Variants in MAF observed in about 807,000 individuals in gnomAD.
MAF encodes MAF bZIP transcription factor.
A neutral mutation model predicts 22.0 loss-of-function variants in MAF; 10 were observed. That is an observed-to-expected ratio of 0.45 (90% confidence interval 0.28 to 0.77). The LOEUF (loss-of-function observed/expected upper bound fraction) is 0.77, where lower values mean the gene tolerates loss of function less well. MAF is among the 30% of genes least tolerant of loss of function. The pLI is 0.12. For missense variants in MAF, 544 were observed against 548.4 expected (o/e 0.99, Z 0.08); for synonymous variants, 337 against 255.8 (o/e 1.32, Z -3.03).
At chr16:79,416,244 G>A in the MAF span, among the ~76,000 whole-genome samples, 2 of 152,104 alleles carry the variant, frequency 1.3e-5, no homozygotes, top group African/African-American at 4.8e-5. Context: ...ATTCTGTTGT[G>A]GTCTGATGGA....
chr16:79,363,227 G>A, the MAF span, among the ~76,000 whole-genome samples: 1 of 152,166 alleles, frequency 6.6e-6, no homozygotes, highest in African/African-American at 2.4e-5. Flanking sequence ...CTGCTCTTAA[G>A]GATCGCTCAG....
the MAF span, among the ~76,000 whole-genome samples, chr16:79,541,834 T>C: frequency 6.6e-6 from 1 of 151,934 alleles, no homozygotes; most frequent in African/African-American, 2.4e-5. Flanking sequence ...TTTTGTATTT[T>C]TACTAGAGAC....
chr16:79,472,515 G>C, the MAF span, among the ~76,000 whole-genome samples: 1 of 152,060 alleles, frequency 6.6e-6, no homozygotes, highest in Non-Finnish European at 1.5e-5. Context: ...AAGAAGCCAG[G>C]TACAAAGAGC....
the MAF span, among the ~76,000 whole-genome samples, chr16:79,331,744 C>A: frequency 6.6e-6 from 1 of 152,112 alleles, no homozygotes; most frequent in East Asian, 1.9e-4. Context: ...CTTCCCTGGC[C>A]TCCTTTCTGC....
At chr16:79,271,394 C>T in the MAF span, among the ~76,000 whole-genome samples, 4 of 152,248 alleles carry the variant, frequency 2.6e-5, no homozygotes, top group Admixed American at 2.0e-4. Flanking sequence ...CAAATAAGGC[C>T]ATTTGGTGCA....
the MAF span, among the ~76,000 whole-genome samples, chr16:79,293,570 A>G: frequency 6.6e-6 from 1 of 152,206 alleles, no homozygotes; most frequent in East Asian, 1.9e-4. Context: ...CCCACATCAC[A>G]GAGCTAGGAA....
chr16:79,389,087 G>A, the MAF span, among the ~76,000 whole-genome samples: 1 of 152,174 alleles, frequency 6.6e-6, no homozygotes. Flanking sequence ...TTGTCTGGTT[G>A]TAGGGGGCTG....
chr16:79,275,101 A>T, the MAF span, among the ~76,000 whole-genome samples: 1 of 152,218 alleles, frequency 6.6e-6, no homozygotes, highest in Non-Finnish European at 1.5e-5. Context: ...CAGGCCTGTA[A>T]TCCCAGCACT....
At chr16:79,529,925 T>C in the MAF span, among the ~76,000 whole-genome samples, 13 of 151,012 alleles carry the variant, frequency 8.6e-5, no homozygotes, top group Non-Finnish European at 1.3e-4. Flanking sequence ...TACACTACTG[T>C]GCTCCAGCCT....
At chr16:79,577,973 G>T in the MAF span, among the ~76,000 whole-genome samples, 1 of 152,100 alleles carries the variant, frequency 6.6e-6, no homozygotes, top group Non-Finnish European at 1.5e-5. Context: ...CTTGACATTG[G>T]TTACATATGC....
chr16:79,597,645 C>G, intron 1 of MAF: 1 of 1,021,436 alleles, frequency 9.8e-7, no homozygotes, highest in Non-Finnish European at 1.2e-6. Flanking sequence ...GAAGAAGGCT[C>G]TACGGTTGCA....
chr16:79,330,883 G>C, the MAF span, among the ~76,000 whole-genome samples: 1 of 152,200 alleles, frequency 6.6e-6, no homozygotes, highest in East Asian at 1.9e-4. Context: ...AGGCCTGCCT[G>C]ACTCCAAAAT....
the MAF span, among the ~76,000 whole-genome samples, chr16:79,481,222 C>G: frequency 8.0e-6 from 1 of 124,314 alleles, no homozygotes; most frequent in African/African-American, 2.8e-5. Flanking sequence ...TCTTTGTTCT[C>G]TTTCCACAAC....
the MAF span, among the ~76,000 whole-genome samples, chr16:79,517,129 G>C: frequency 1.3e-5 from 2 of 151,956 alleles, 1 homozygote; most frequent in South Asian, 4.2e-4. Flanking sequence ...TTATCTTTTA[G>C]TTTATACTGT....
chr16:79,402,000 A>T, the MAF span, among the ~76,000 whole-genome samples: 1 of 152,296 alleles, frequency 6.6e-6, no homozygotes, highest in South Asian at 2.1e-4. Flanking sequence ...CTGAGGCCAA[A>T]GAGGTTAAAT....
chr16:79,314,444 G>A, the MAF span, among the ~76,000 whole-genome samples: 2,195 of 152,248 alleles, frequency 0.014, 42 homozygotes, highest in African/African-American at 0.05. Flanking sequence ...TGAGGCAGCT[G>A]GCCAGATGTC....
intron 1 of MAF, among the ~76,000 whole-genome samples, chr16:79,586,984 A>G (rs1912882950): frequency 6.6e-6 from 1 of 152,238 alleles, no homozygotes; most frequent in South Asian, 2.1e-4. Context: ...GGTGCGAACA[A>G]ATATGAGCTA....
chr16:79,260,340 T>TG, the MAF span, among the ~76,000 whole-genome samples: 1 of 152,084 alleles, frequency 6.6e-6, no homozygotes, highest in Non-Finnish European at 1.5e-5. Context: ...TTTGTAGAGA[T>TG]GGGGTCCCAC....
At chr16:79,556,334 C>A in the MAF span, among the ~76,000 whole-genome samples, 5 of 152,194 alleles carry the variant, frequency 3.3e-5, no homozygotes, top group African/African-American at 1.2e-4. Context: ...CCAGCTTTTA[C>A]CACTTAGCTC....
Sources: allele counts gnomAD v4.1 joint callset (sites outside exome capture counted in the v4.1 genomes callset), GRCh38; gene constraint gnomAD v4.1.1; transcripts MANE v1.5; gene names NCBI Gene and HGNC (gene_info 2026-07-23, HGNC 2026-07-21).